Variants in STAC observed in about 807,000 individuals in gnomAD.
STAC encodes SH3 and cysteine rich domain.
In STAC, 43 loss-of-function variants were observed where a neutral mutation model predicts 48.8. That is an observed-to-expected ratio of 0.88 (90% CI 0.69 to 1.14). The LOEUF (loss-of-function observed/expected upper bound fraction) is 1.14. Among genes scored for constraint, STAC ranks in the 50% most tolerant of loss-of-function variants. The probability of loss-of-function intolerance (pLI) is 0.00; values close to 1 mark genes in which losing one functional copy is unlikely to be tolerated. For synonymous variants in STAC, 193 were observed against 179.5 expected, an observed-to-expected ratio of 1.07 and a Z score of -0.60; for missense variants, 497 against 504.0, an observed-to-expected ratio of 0.99 and a Z score of 0.13.
At chr3:36,440,879 CT>C (rs1696327091) in intron 1 of STAC, among the ~76,000 whole-genome samples, 2 of 152,170 alleles carry the variant, frequency 1.3e-5, no homozygotes, top group Admixed American at 6.5e-5. Flanking sequence ...TCTGACCACA[CT>C]TATGGAGACC....
At chr3:36,500,046 C>A (rs564783643) in intron 6 of STAC, among the ~76,000 whole-genome samples, 8 of 152,106 alleles carry the variant, frequency 5.3e-5, no homozygotes, top group African/African-American at 1.9e-4. Context: ...GAGAAATTGA[C>A]AAAATTATTC....
chr3:36,523,162 C>T (rs1188979703), intron 8 of STAC, among the ~76,000 whole-genome samples: 1 of 152,238 alleles, frequency 6.6e-6, no homozygotes, highest in African/African-American at 2.4e-5. Context: ...GTCCTCCTCA[C>T]TGGTAAGCCA....
At chr3:36,405,994 A>G (rs1211878412) in intron 1 of STAC, among the ~76,000 whole-genome samples, 1 of 152,180 alleles carries the variant, frequency 6.6e-6, no homozygotes, top group Non-Finnish European at 1.5e-5. Flanking sequence ...AAGTTCTGGG[A>G]TTATACGCAT....
At chr3:36,543,539 G>A (rs751571730) in intron 10 of STAC, among the ~76,000 whole-genome samples, 9 of 151,984 alleles carry the variant, frequency 5.9e-5, no homozygotes, top group Non-Finnish European at 1.2e-4. Context: ...AGACACTTCC[G>A]AACAACTCTT....
chr3:36,517,263 C>T (rs1225090156), intron 8 of STAC, among the ~76,000 whole-genome samples: 1 of 152,116 alleles, frequency 6.6e-6, no homozygotes, highest in Non-Finnish European at 1.5e-5. Flanking sequence ...CAGGTTCCAC[C>T]AATTACCCTT....
At position 36,529,215 on chromosome 3, in the gene STAC, C is replaced by A. The variant is rs948426537; in HGVS notation, c.1110+230C>A. 8 of 300,200 alleles carry A rather than the reference C, an allele frequency of 2.7e-5. No individual in the cohort carries two copies. The South Asian group carries it at 5.9e-4, about 22-fold the overall frequency. 18.6% of individuals were successfully genotyped at this position (300,200 alleles called of 1,614,324 possible). On this transcript the variant is annotated intron_variant, in intron 10 of 10. Coordinates refer to ENST00000273183, the MANE Select transcript of STAC (RefSeq NM_003149.3). ...GTTCATAAACGAAACGTGATAGTGG[C>A]AGGCGACGACATCTCGTCCCCCATG...
At chr3:36,526,401 G>A (rs1327795947) in intron 8 of STAC, among the ~76,000 whole-genome samples, 15 of 152,314 alleles carry the variant, frequency 9.8e-5, no homozygotes, top group Admixed American at 9.8e-4. Flanking sequence ...CAATGTGTCA[G>A]TTCTGGATCT....
intron 1 of STAC, among the ~76,000 whole-genome samples, chr3:36,384,129 G>A (rs997930304): frequency 6.6e-6 from 1 of 152,086 alleles, no homozygotes; most frequent in African/African-American, 2.4e-5. Flanking sequence ...AGAGACCATT[G>A]AATATAAACA....
intron 1 of STAC, among the ~76,000 whole-genome samples, chr3:36,391,184 A>T (rs899851224): frequency 2.0e-5 from 3 of 152,166 alleles, no homozygotes; most frequent in African/African-American, 7.2e-5. Flanking sequence ...ACCTTACCAA[A>T]AGAAAGGATC....
chr3:36,491,583 G>GA (rs1215631845), intron 5 of STAC, among the ~76,000 whole-genome samples: 16 of 151,610 alleles, frequency 1.1e-4, no homozygotes, highest in Non-Finnish European at 2.2e-4. Context: ...AGCAGTGTTT[G>GA]AAAAAAAATC....
chr3:36,456,370 G>C (rs1320175907), intron 2 of STAC, among the ~76,000 whole-genome samples: 1 of 152,000 alleles, frequency 6.6e-6, no homozygotes, highest in Admixed American at 6.6e-5. Flanking sequence ...TTCCTTCTGA[G>C]TATCTATTTT....
intron 1 of STAC, among the ~76,000 whole-genome samples, chr3:36,396,121 G>T (rs1048577769): frequency 6.6e-6 from 1 of 152,050 alleles, no homozygotes; most frequent in Non-Finnish European, 1.5e-5. Flanking sequence ...CACAATGGGA[G>T]CCCCACCCTG....
At chr3:36,475,620 TG>T (rs1697472412) in intron 2 of STAC, among the ~76,000 whole-genome samples, 1 of 152,322 alleles carries the variant, frequency 6.6e-6, no homozygotes, top group Non-Finnish European at 1.5e-5. Flanking sequence ...TCACAGAGGC[TG>T]TCGTGGGTCA....
At chr3:36,382,762 G>C (rs978785248) in intron 1 of STAC, among the ~76,000 whole-genome samples, 1 of 152,234 alleles carries the variant, frequency 6.6e-6, no homozygotes, top group Non-Finnish European at 1.5e-5. Flanking sequence ...CACTGGAGGA[G>C]AGGAAGGCTC....
intron 1 of STAC, among the ~76,000 whole-genome samples, chr3:36,415,350 C>T (rs370797095): frequency 6.6e-6 from 1 of 152,224 alleles, no homozygotes; most frequent in South Asian, 2.1e-4. Flanking sequence ...TGTTTACCTA[C>T]TCAAGCCTCA....
chr3:36,525,595 C>G (rs1168090631), intron 8 of STAC, among the ~76,000 whole-genome samples: 1 of 151,744 alleles, frequency 6.6e-6, no homozygotes, highest in African/African-American at 2.4e-5. Context: ...TCCCTATTTA[C>G]AGTTTCTGCC....
At chr3:36,398,084 G>A (rs771612959) in intron 1 of STAC, among the ~76,000 whole-genome samples, 4 of 152,008 alleles carry the variant, frequency 2.6e-5, no homozygotes, top group Non-Finnish European at 5.9e-5. Context: ...TCCATAGCCT[G>A]GTTGGACAGC....
At chr3:36,513,716 C>T (rs1001810584) in intron 8 of STAC, among the ~76,000 whole-genome samples, 9 of 151,974 alleles carry the variant, frequency 5.9e-5, no homozygotes, top group East Asian at 1.9e-4. Flanking sequence ...GATCTAGCAT[C>T]GATGTGATTA....
At chr3:36,496,945 A>T (rs1298548077) in intron 6 of STAC, among the ~76,000 whole-genome samples, 1 of 152,204 alleles carries the variant, frequency 6.6e-6, no homozygotes, top group East Asian at 1.9e-4. Flanking sequence ...TTTCTTCAAA[A>T]AGGGCTGGGT....
Sources: allele counts gnomAD v4.1 joint callset (sites outside exome capture counted in the v4.1 genomes callset), GRCh38; gene constraint gnomAD v4.1.1; transcripts MANE v1.5; gene names NCBI Gene and HGNC (gene_info 2026-07-23, HGNC 2026-07-21).